Variants in LRBA observed in about 807,000 individuals in gnomAD.
LRBA encodes LPS responsive beige-like anchor protein.
Under a neutral mutation model 330.0 loss-of-function variants are expected in LRBA, and 176 were observed. The observed-to-expected ratio is 0.53, with a 90% confidence interval of 0.47 to 0.60. The LOEUF is 0.60. Ranked by LOEUF, LRBA falls within the 20% of genes least tolerant of loss-of-function variation. The probability of loss-of-function intolerance (pLI) is 0.00; values close to 1 mark genes in which losing one functional copy is unlikely to be tolerated. For synonymous variants in LRBA, 1,230 were observed against 1,193.0 expected, an observed-to-expected ratio of 1.03 and a Z score of -0.64; for missense variants, 3,259 against 3,444.8, an observed-to-expected ratio of 0.95 and a Z score of 1.35.
At chr4:150,559,664 TA>T (rs1767860084) in intron 40 of LRBA, among the ~76,000 whole-genome samples, 3 of 85,820 alleles carry the variant, frequency 3.5e-5, no homozygotes, top group Admixed American at 2.1e-4. Flanking sequence ...ATAATTATAA[TA>T]TATATATTAT....
At chr4:150,330,674 C>A (rs1733876113) in intron 48 of LRBA, among the ~76,000 whole-genome samples, 1 of 152,144 alleles carries the variant, frequency 6.6e-6, no homozygotes, top group Admixed American at 6.5e-5. Flanking sequence ...GGGTAGAGCT[C>A]AGGCAGTAAT....
At chr4:150,336,866 G>A (rs1484673317) in intron 48 of LRBA, among the ~76,000 whole-genome samples, 2 of 152,092 alleles carry the variant, frequency 1.3e-5, no homozygotes, top group East Asian at 1.9e-4. Context: ...AGAAACAAAC[G>A]TCACTCAATA....
chr4:150,969,524 G>C (rs1341612458), intron 2 of LRBA, among the ~76,000 whole-genome samples: 1 of 152,204 alleles, frequency 6.6e-6, no homozygotes, highest in Non-Finnish European at 1.5e-5. Context: ...CTGGAGTGCA[G>C]TGGTGCAATC....
chr4:150,273,522 T>C (rs984577878), intron 56 of LRBA, among the ~76,000 whole-genome samples: 1 of 151,876 alleles, frequency 6.6e-6, no homozygotes, highest in Non-Finnish European at 1.5e-5. Context: ...ACTGGCAAAT[T>C]GGATAAAGAG....
At chr4:150,912,450 C>T (rs1732111690) in intron 9 of LRBA, among the ~76,000 whole-genome samples, 1 of 152,182 alleles carries the variant, frequency 6.6e-6, no homozygotes, top group Admixed American at 6.5e-5. Flanking sequence ...CCGGATGGAA[C>T]CGTCTAGTTG....
chr4:150,992,315 C>CA (rs11444108), intron 2 of LRBA, among the ~76,000 whole-genome samples: 106,055 of 133,176 alleles, frequency 0.8, 43,907 homozygotes, highest in Non-Finnish European at 0.94. Context: ...GACTCCGTCT[C>CA]AAAAAAAAAA....
intron 37 of LRBA, among the ~76,000 whole-genome samples, chr4:150,603,488 G>A (rs963991332): frequency 9.9e-5 from 15 of 151,872 alleles, no homozygotes; most frequent in African/African-American, 4.8e-5. Flanking sequence ...GCTTTTTTGT[G>A]GTTGTTGTTG....
chr4:150,752,828 A>G (rs935968092), intron 35 of LRBA, among the ~76,000 whole-genome samples: 5 of 152,184 alleles, frequency 3.3e-5, no homozygotes, highest in Admixed American at 3.3e-4. Flanking sequence ...CCAGGCTGCA[A>G]GCTTTTATCT....
At chr4:150,538,823 A>C (rs1007005394) in intron 40 of LRBA, among the ~76,000 whole-genome samples, 51 of 151,760 alleles carry the variant, frequency 3.4e-4, no homozygotes, top group African/African-American at 1.2e-3. Context: ...TCAAAAAAAA[A>C]AAAAAAACAA....
intron 2 of LRBA, among the ~76,000 whole-genome samples, chr4:150,979,514 G>A (rs949938998): frequency 2.0e-5 from 3 of 152,062 alleles, no homozygotes; most frequent in African/African-American, 7.2e-5. Context: ...CATAACTTGG[G>A]CATATAAATT....
chr4:150,330,262 T>A (rs1733816076), intron 48 of LRBA, among the ~76,000 whole-genome samples: 1 of 152,154 alleles, frequency 6.6e-6, no homozygotes, highest in African/African-American at 2.4e-5. Context: ...ATGGTCACTC[T>A]TATCTTCAGT....
At chr4:150,337,396 C>T (rs1734899061) in intron 48 of LRBA, among the ~76,000 whole-genome samples, 1 of 152,160 alleles carries the variant, frequency 6.6e-6, no homozygotes, top group Non-Finnish European at 1.5e-5. Flanking sequence ...ACTAGTAAGT[C>T]TGCAAAAGAC....
At chr4:150,625,177 T>C (rs1288428071) in intron 37 of LRBA, among the ~76,000 whole-genome samples, 1 of 152,170 alleles carries the variant, frequency 6.6e-6, no homozygotes, top group Non-Finnish European at 1.5e-5. Flanking sequence ...ATGTCAAGTA[T>C]GGAATGTGTC....
chr4:150,710,811 CATTA>C (rs1786111894), intron 36 of LRBA, among the ~76,000 whole-genome samples: 1 of 151,984 alleles, frequency 6.6e-6, no homozygotes, highest in South Asian at 2.1e-4. Flanking sequence ...GATGTAGACT[CATTA>C]ATTAGAAGAA....
intron 47 of LRBA, among the ~76,000 whole-genome samples, chr4:150,356,166 GTCA>G (rs1737818951): frequency 6.6e-6 from 1 of 151,872 alleles, no homozygotes; most frequent in Admixed American, 6.6e-5. Flanking sequence ...TTCTTTCCAT[GTCA>G]ACTTTGTTCC....
chr4:150,433,752 A>G (rs1750739298), intron 46 of LRBA, among the ~76,000 whole-genome samples: 1 of 152,162 alleles, frequency 6.6e-6, no homozygotes, highest in African/African-American at 2.4e-5. Context: ...TAACAAAATT[A>G]TTATATCTGT....
At chr4:151,007,356 C>T (rs1044204563) in intron 2 of LRBA, among the ~76,000 whole-genome samples, 4 of 151,678 alleles carry the variant, frequency 2.6e-5, no homozygotes, top group Admixed American at 6.6e-5. Context: ...CAAAATAAAA[C>T]TAGCCAGGCC....
intron 37 of LRBA, among the ~76,000 whole-genome samples, chr4:150,601,669 T>A (rs1002639096): frequency 6.6e-6 from 1 of 151,972 alleles, no homozygotes; most frequent in Non-Finnish European, 1.5e-5. Context: ...CAGACATACA[T>A]ACTGTCTTCA....
At chr4:150,306,495 T>C (rs975725728) in intron 52 of LRBA, among the ~76,000 whole-genome samples, 3 of 152,134 alleles carry the variant, frequency 2.0e-5, no homozygotes, top group Non-Finnish European at 4.4e-5. Flanking sequence ...ATACAAGATA[T>C]TAAGAAAGAC....
Sources: allele counts gnomAD v4.1 joint callset (sites outside exome capture counted in the v4.1 genomes callset), GRCh38; gene constraint gnomAD v4.1.1; transcripts MANE v1.5; gene names NCBI Gene and HGNC (gene_info 2026-07-23, HGNC 2026-07-21).